PLCB1: variants seen among roughly 807,000 people sequenced by gnomAD.
PLCB1 encodes the protein 1-phosphatidylinositol 4,5-bisphosphate phosphodiesterase beta-1.
A neutral mutation model predicts 161.8 loss-of-function variants in PLCB1; 46 were observed. That is an observed-to-expected ratio of 0.28 (90% CI 0.22 to 0.36). The LOEUF (loss-of-function observed/expected upper bound fraction) is 0.36. Ranked by LOEUF, PLCB1 falls within the 10% of genes least tolerant of loss-of-function variation. The probability of loss-of-function intolerance (pLI) is 1.00; values close to 1 mark genes in which losing one functional copy is unlikely to be tolerated. For synonymous variants in PLCB1, 517 were observed against 503.7 expected, an observed-to-expected ratio of 1.03 and a Z score of -0.35; for missense variants, 1,016 against 1,472.5, an observed-to-expected ratio of 0.69 and a Z score of 5.07.
intron 31 of PLCB1, among the ~76,000 whole-genome samples, chr20:8,848,067 T>A (rs922380959): frequency 6.6e-6 from 1 of 152,166 alleles, no homozygotes; most frequent in African/African-American, 2.4e-5. Flanking sequence ...AAAGCCTTTC[T>A]AAGGACCTTA....
At chr20:8,464,879 G>C (rs1204519509) in intron 3 of PLCB1, among the ~76,000 whole-genome samples, 1 of 151,936 alleles carries the variant, frequency 6.6e-6, no homozygotes, top group Non-Finnish European at 1.5e-5. Flanking sequence ...CCCTCAGCTG[G>C]GGTTGGAACT....
intron 27 of PLCB1, among the ~76,000 whole-genome samples, chr20:8,779,170 C>T (rs138481464): frequency 2.6e-5 from 4 of 152,272 alleles, no homozygotes; most frequent in Admixed American, 2.6e-4. Flanking sequence ...TCAAATGCCA[C>T]ATCCACAGTT....
At chr20:8,328,933 A>T (rs1985260518) in intron 2 of PLCB1, among the ~76,000 whole-genome samples, 1 of 152,194 alleles carries the variant, frequency 6.6e-6, no homozygotes, top group African/African-American at 2.4e-5. Flanking sequence ...AGTCAGGGAA[A>T]AGCTATCAAT....
chr20:8,593,039 C>T (rs1987199022), intron 3 of PLCB1, among the ~76,000 whole-genome samples: 1 of 152,076 alleles, frequency 6.6e-6, no homozygotes, highest in South Asian at 2.1e-4. Flanking sequence ...TATCACACAG[C>T]CAGGGTTGAG....
intron 31 of PLCB1, among the ~76,000 whole-genome samples, chr20:8,878,367 G>C (rs1987851005): frequency 1.3e-5 from 2 of 152,184 alleles, no homozygotes; most frequent in South Asian, 4.1e-4. Context: ...CAAACAACAG[G>C]CTAAGATTTC....
chr20:8,534,856 C>T (rs1017154322), intron 3 of PLCB1, among the ~76,000 whole-genome samples: 3 of 151,908 alleles, frequency 2.0e-5, no homozygotes, highest in Non-Finnish European at 4.4e-5. Context: ...CTGGGTGTGT[C>T]TTAATCCCTG....
Position 8,558,206 on chromosome 20 carries a change from A to T in PLCB1, c.247-70088A>T, listed in dbSNP as rs1457135973. On this transcript the variant is annotated intron_variant, in intron 3 of 31. Coordinates refer to ENST00000338037, the MANE Select transcript of PLCB1 (RefSeq NM_015192.4). ...TTTGAAGCCAAAGGATAAATTATTGAGATGATAAATATCCCATTTACCTTG... is the reference window on the plus strand; with the variant it reads ...TTTGAAGCCAAAGGATAAATTATTGTGATGATAAATATCCCATTTACCTTG... Among the ~76,000 whole-genome samples the T allele has an allele frequency of 4.6e-5, 7 of 152,138 alleles. No homozygotes were observed. The East Asian group carries it at 1.4e-3, about 29-fold the overall frequency.
chr20:8,487,642 A>C (rs116971097), intron 3 of PLCB1, among the ~76,000 whole-genome samples: 2,528 of 152,214 alleles, frequency 0.017, 38 homozygotes, highest in Admixed American at 0.026. Context: ...TCAGTCAGAG[A>C]GGGTGGGGAT....
At chr20:8,829,683 T>C (rs992502429) in intron 31 of PLCB1, among the ~76,000 whole-genome samples, 2 of 152,202 alleles carry the variant, frequency 1.3e-5, no homozygotes, top group South Asian at 2.1e-4. Flanking sequence ...GGATTTTTCA[T>C]TGATGTGTCT....
chr20:8,140,100 T>C (rs766606407), intron 1 of PLCB1, among the ~76,000 whole-genome samples: 2 of 152,192 alleles, frequency 1.3e-5, no homozygotes, highest in Non-Finnish European at 1.5e-5. Flanking sequence ...TTACACTTCT[T>C]TGGCTTCAAC....
intron 4 of PLCB1, among the ~76,000 whole-genome samples, chr20:8,628,941 A>AAAAT (rs1555777853): frequency 6.6e-6 from 1 of 151,798 alleles, no homozygotes; most frequent in East Asian, 1.9e-4. Context: ...TCAAAAAAAA[A>AAAAT]AAATAAATAA....
chr20:8,663,167 G>T (rs1171150219), intron 9 of PLCB1, among the ~76,000 whole-genome samples: 1 of 151,226 alleles, frequency 6.6e-6, no homozygotes, highest in African/African-American at 2.4e-5. Context: ...ATACATAATA[G>T]AATATAAACA....
At chr20:8,249,300 G>C (rs1981029456) in intron 2 of PLCB1, among the ~76,000 whole-genome samples, 1 of 151,914 alleles carries the variant, frequency 6.6e-6, no homozygotes, top group South Asian at 2.1e-4. Flanking sequence ...TCTATTTTAA[G>C]GTGTAATTAT....
At chr20:8,347,414 A>T (rs1041536782) in intron 2 of PLCB1, among the ~76,000 whole-genome samples, 2 of 152,348 alleles carry the variant, frequency 1.3e-5, no homozygotes, top group African/African-American at 4.8e-5. Flanking sequence ...ATGAACTCTG[A>T]TAAGCAGACC....
intron 9 of PLCB1, among the ~76,000 whole-genome samples, chr20:8,668,205 C>T (rs1989861619): frequency 6.6e-6 from 1 of 151,734 alleles, no homozygotes; most frequent in South Asian, 2.1e-4. Context: ...CCACCCTAAC[C>T]CTTAATAGAA....
intron 2 of PLCB1, among the ~76,000 whole-genome samples, chr20:8,217,823 C>G (rs1433341403): frequency 1.3e-5 from 2 of 152,010 alleles, no homozygotes; most frequent in East Asian, 3.9e-4. Flanking sequence ...AAGTGGGTTC[C>G]TGATTAAAAG....
At chr20:8,270,166 A>G (rs1982208011) in intron 2 of PLCB1, among the ~76,000 whole-genome samples, 1 of 152,164 alleles carries the variant, frequency 6.6e-6, no homozygotes, top group Non-Finnish European at 1.5e-5. Flanking sequence ...GTTGCATAGC[A>G]CTGTGACCCA....
At chr20:8,438,035 T>G (rs1980387364) in intron 3 of PLCB1, among the ~76,000 whole-genome samples, 1 of 152,212 alleles carries the variant, frequency 6.6e-6, no homozygotes, top group South Asian at 2.1e-4. Flanking sequence ...ATTTTATTAT[T>G]TGTAGAACTT....
intron 3 of PLCB1, among the ~76,000 whole-genome samples, chr20:8,502,561 T>C (rs1440397172): frequency 1.3e-5 from 2 of 152,306 alleles, no homozygotes; most frequent in African/African-American, 4.8e-5. Context: ...CTATCGAACA[T>C]TTCTATGTTC....
Sources: gnomAD v4.1 joint callset for allele counts (sites outside exome capture counted in the v4.1 genomes callset) on GRCh38, gnomAD v4.1.1 for gene constraint, MANE v1.5 for transcripts, NCBI Gene and HGNC (gene_info 2026-07-23, HGNC 2026-07-21) for gene names.